USP16: variants seen among roughly 807,000 people sequenced by gnomAD.
USP16 encodes ubiquitin specific peptidase 16, also known as ubiquitin carboxyl-terminal hydrolase 16.
In USP16, 77 loss-of-function variants were observed where a neutral mutation model predicts 95.9. The observed-to-expected ratio is 0.80, with a 90% CI of 0.67 to 0.97. The LOEUF is 0.97. USP16 is among the 50% of genes least tolerant of loss of function. The pLI, the probability that USP16 is intolerant of heterozygous loss-of-function variation, is 0.00. For missense variants in USP16, 943 were observed against 959.9 expected (o/e 0.98, Z 0.23); for synonymous variants, 303 against 318.2 (o/e 0.95, Z 0.51).
At chr21:29,035,374 G>A (rs938968470) in intron 4 of USP16, among the ~76,000 whole-genome samples, 3 of 151,446 alleles carry the variant, frequency 2.0e-5, no homozygotes, top group Non-Finnish European at 4.4e-5. Context: ...TTCACTGAAT[G>A]ACATCTTTTT....
rs1601081226 is a variant in USP16 at position 29,054,368 on chromosome 21, C to CA, written c.*182dup. On this transcript the variant is annotated 3_prime_UTR_variant, in exon 18 of 18. Coordinates refer to ENST00000399976, the MANE Select transcript of USP16 (RefSeq NM_006447.3). Reference sequence around the variant, plus strand: ...AAAATGTACAAAGGTTTTATATTGTCATAGTGGTTTTTATTCCTGCTTTGT... The same window carrying CA: ...AAAATGTACAAAGGTTTTATATTGTCAATAGTGGTTTTTATTCCTGCTTTGT... 1.5e-5 allele frequency: 12 copies of CA among 817,358 alleles called. No individual in the cohort carries two copies. The East Asian group carries it at 3.4e-4, about 23-fold the overall frequency. The allele number at this position is 817,358 out of a possible 1,614,324, so 50.6% of individuals were successfully genotyped here.
At chr21:29,049,347 G>A (rs983872936) in intron 15 of USP16, among the ~76,000 whole-genome samples, 1 of 152,178 alleles carries the variant, frequency 6.6e-6, no homozygotes, top group African/African-American at 2.4e-5. Flanking sequence ...AGTATCTTCA[G>A]AACGTTTTGC....
chr21:29,053,997 C>T (rs755574170), intron 17 of USP16, 39 bp downstream of exon 17: 35 of 1,612,848 alleles, frequency 2.2e-5, no homozygotes, highest in Middle Eastern at 1.6e-4. Context: ...CAGCAGATTA[C>T]GGCAAAACCA....
intron 16 of USP16, among the ~76,000 whole-genome samples, chr21:29,050,745 A>T (rs569635756): frequency 5.3e-4 from 80 of 152,314 alleles, no homozygotes; most frequent in Non-Finnish European, 9.1e-4. Context: ...TTGAGAAATG[A>T]AGCCAGAGAA....
At chr21:29,049,105 C>G (rs917456125) in intron 15 of USP16, among the ~76,000 whole-genome samples, 2 of 151,822 alleles carry the variant, frequency 1.3e-5, no homozygotes, top group African/African-American at 4.9e-5. Context: ...TGGCATCTTA[C>G]TTTTATTTCA....
intron 16 of USP16, among the ~76,000 whole-genome samples, chr21:29,051,445 T>C (rs998275299): frequency 6.6e-5 from 10 of 152,116 alleles, no homozygotes; most frequent in East Asian, 1.9e-4. Context: ...AAAAAGGAGA[T>C]GGCCAATGAC....
chr21:29,047,374 C>T (rs2085343222), intron 14 of USP16, 53 bp downstream of exon 14: 1 of 1,544,002 alleles, frequency 6.5e-7, no homozygotes, highest in Non-Finnish European at 8.8e-7. Flanking sequence ...GCACATTTTG[C>T]ACTGCATAGG....
At position 29,042,111 on chromosome 21, in the gene USP16, A is replaced by G. The variant is rs750733363; in HGVS notation, c.1122+7A>G. 15 of 1,607,176 alleles carry G rather than the reference A, an allele frequency of 9.3e-6. No individual in the cohort carries two copies. Among genetic ancestry groups the G allele is most frequent in the Admixed American group, 1.7e-5 (1 of 59,226 alleles). ...GTGTGATCAATGCAGAACTGTAAGT[A>G]GATGTCATGTATACTGGGTTTATTT... On this transcript the variant is annotated splice_region_variant and intron_variant, in intron 11 of 17. Coordinates refer to ENST00000399976, the MANE Select transcript of USP16 (RefSeq NM_006447.3).
intron 14 of USP16, 74 bp from the exon 15 acceptor site, chr21:29,048,687 T>C: frequency 8.4e-7 from 1 of 1,187,202 alleles, no homozygotes; most frequent in South Asian, 1.3e-5. Flanking sequence ...TTTGGAATGA[T>C]TTTATAGCAA....
Position 29,024,671 on chromosome 21 carries a change from C to T in USP16, c.-148C>T. On this transcript the variant is annotated 5_prime_UTR_variant, in exon 1 of 18. Coordinates refer to ENST00000399976, the MANE Select transcript of USP16 (RefSeq NM_006447.3). ...AAGTTATTGCTTTCCAGGGGTCACT[C>T]TGGCTTCGACTCCGTCGCTCTCAAT... The T allele has an allele frequency of 1.6e-6, 2 of 1,282,912 alleles. No individual in the cohort carries two copies. Among genetic ancestry groups the T allele is most frequent in the Non-Finnish European group, 2.0e-6 (2 of 982,968 alleles). 79.5% of individuals were successfully genotyped at this position (1,282,912 alleles called of 1,614,324 possible).
rs67919060 is a variant in USP16 at position 29,048,048 on chromosome 21, CGTGTGTGTGTGTGTGTGTGTGTGT to C, written c.2012-686_2012-663del. 8.9e-5 allele frequency among the ~76,000 whole-genome samples: 11 copies of C among 123,796 alleles called. No individual in the cohort carries two copies. The South Asian group carries it at 1.2e-3, about 13-fold the overall frequency. 81.2% of individuals were successfully genotyped at this position (123,796 alleles called of 152,430 possible). On this transcript the variant is annotated intron_variant, in intron 14 of 17. Transcript: ENST00000399976. ...TATATATATCAGCTCAGAGACGATA[CGTGTGTGTGTGTGTGTGTGTGTGT>C]GTGTGTGTGTGTGTGTGTGTGTGTG... is the stretch of plus-strand genomic sequence containing the variant.
At chr21:29,051,150 C>T (rs989435874) in intron 16 of USP16, among the ~76,000 whole-genome samples, 6 of 151,960 alleles carry the variant, frequency 3.9e-5, no homozygotes, top group African/African-American at 9.7e-5. Context: ...AGGCCTGGCA[C>T]GACAGATGGG....
Position 29,050,096 on chromosome 21 carries a change from GT to G in USP16, c.2115del (p.Phe705LeufsTer10). The G allele has an allele frequency of 6.2e-7, 1 of 1,612,336 alleles. No homozygotes were observed. The highest frequency in any genetic ancestry group is 2.2e-5 in the East Asian group (1 of 44,812). On this transcript the variant is annotated frameshift_variant, in exon 16 of 18. Transcript: ENST00000399976. LOFTEE classifies it high-confidence loss of function. ...TLHLKRFQQA[G>X]FNLRKVNKHI... ...TCTGTTATGCTTCTCTTTTAGGCTGGTTTTAACCTACGCAAAGTTAACAAAC... is the reference window on the plus strand; with the variant it reads ...TCTGTTATGCTTCTCTTTTAGGCTGGTTTAACCTACGCAAAGTTAACAAAC...
In USP16 at chr21:29,039,094, G is replaced by C. The variant is rs1421994773; in HGVS notation, c.801G>C (p.Glu267Asp). 1.3e-6 allele frequency: 2 copies of C among 1,589,744 alleles called. No homozygotes were observed. Among genetic ancestry groups the C allele is most frequent in the South Asian group, 2.3e-5 (2 of 87,926 alleles). Residue 267 changes from glutamate to aspartate, a missense_variant, in exon 8 of 18, where the codon GAG becomes GAC. Physicochemically the swap from Glu to Asp is conservative, Grantham distance 45. Coordinates refer to ENST00000399976, the MANE Select transcript of USP16 (RefSeq NM_006447.3). ...LTLAMSQFLN[E>D]MQETKKGVVT... is the part of the protein sequence containing the mutation. ...TAGCCATGAGCCAGTTTCTTAATGA[G>C]ATGCAAGAGACCAAAAAGGGGGTTG...
chr21:29,046,301 T>C lies in USP16; in HGVS notation c.1357-366T>C, dbSNP rs187511651. 1.2e-3 allele frequency among the ~76,000 whole-genome samples: 180 copies of C among 152,242 alleles called. 6 individuals are homozygous for C. The South Asian group carries it at 0.021, about 18-fold the overall frequency. On this transcript the variant is annotated intron_variant, in intron 13 of 17. Coordinates refer to ENST00000399976, the MANE Select transcript of USP16 (RefSeq NM_006447.3). ...ACAGGTGGACACCAACGTGCCCAGC[T>C]AATTTTTATTTTTATTTTTTTTTAG... is the stretch of plus-strand genomic sequence containing the variant.
intron 13 of USP16, among the ~76,000 whole-genome samples, chr21:29,044,533 T>C (rs752596346): frequency 2.7e-5 from 4 of 150,256 alleles, no homozygotes; most frequent in Non-Finnish European, 5.9e-5. Flanking sequence ...CTGCAACCTC[T>C]GCCTCCCAGG....
intron 17 of USP16, 27 bp downstream of exon 17, chr21:29,053,985 C>T: frequency 6.2e-7 from 1 of 1,613,424 alleles, no homozygotes; most frequent in Non-Finnish European, 8.5e-7. Flanking sequence ...AATTCAGGCA[C>T]TCAGCAGATT....
intron 6 of USP16, 52 bp from the exon 7 acceptor site, chr21:29,038,283 G>A (rs1190650113): frequency 1.6e-6 from 2 of 1,280,118 alleles, no homozygotes; most frequent in Non-Finnish European, 2.2e-6. Flanking sequence ...AAGTGTCAGA[G>A]TTGATTTGCC....
At position 29,050,184 on chromosome 21, in the gene USP16, T is replaced by G. The variant is rs1242397763; in HGVS notation, c.2193+6T>G. ...TTTGCACCCTTAAATGTAAGGTAAGTCAAAGTGGTCTTTTTCAGGAAAGTC... is the reference window on the plus strand; with the variant it reads ...TTTGCACCCTTAAATGTAAGGTAAGGCAAAGTGGTCTTTTTCAGGAAAGTC... On this transcript the variant is annotated splice_donor_region_variant and intron_variant, in intron 16 of 17. Transcript: ENST00000399976. 6.8e-6 allele frequency: 11 copies of G among 1,611,046 alleles called. No individual in the cohort carries two copies. The highest frequency in any genetic ancestry group is 9.3e-6 in the Non-Finnish European group (11 of 1,179,312).
Sources: gnomAD v4.1 joint callset for allele counts (sites outside exome capture counted in the v4.1 genomes callset) on GRCh38, gnomAD v4.1.1 for gene constraint, MANE v1.5 for transcripts, NCBI Gene and HGNC (gene_info 2026-07-23, HGNC 2026-07-21) for gene names.